Variants in OOSP4B observed in about 807,000 individuals in gnomAD.
The protein encoded by OOSP4B is oocyte secreted protein family member 4B.
At chr11:60,030,985 A>G in exon 5 of OOSP4B, 1 of 394,704 alleles carries the variant, frequency 2.5e-6, no homozygotes, top group Non-Finnish European at 4.5e-6. Flanking sequence ...GGAGTTTTGA[A>G]TAACATATCT....
At chr11:60,024,882 A>G (rs1433595590) in intron 2 of OOSP4B, 26 bp from the exon 3 acceptor site, 2 of 398,174 alleles carry the variant, frequency 5.0e-6, no homozygotes, top group East Asian at 3.6e-5. Flanking sequence ...AATGCCTTCT[A>G]GTATTAAAAC....
At chr11:60,027,164 C>T (rs1590594658) in intron 3 of OOSP4B, among the ~76,000 whole-genome samples, 1 of 152,090 alleles carries the variant, frequency 6.6e-6, no homozygotes, top group Admixed American at 6.6e-5. Flanking sequence ...CATTCCTTTT[C>T]CTCACTGTCA....
chr11:60,019,041 A>G (rs772369209), intron 1 of OOSP4B, among the ~76,000 whole-genome samples: 4 of 152,028 alleles, frequency 2.6e-5, no homozygotes, highest in Non-Finnish European at 5.9e-5. Context: ...ATATGGCGAA[A>G]CCCCGTCTCT....
chr11:60,027,655 T>TAAAAAAAAA (rs61649958), intron 3 of OOSP4B, among the ~76,000 whole-genome samples: 6 of 62,222 alleles, frequency 9.6e-5, no homozygotes, highest in Non-Finnish European at 1.0e-4. Flanking sequence ...GCTATGATAT[T>TAAAAAAAAA]AAAAAAAAAA....
chr11:60,024,775 G>T (rs975352644), intron 2 of OOSP4B, 133 bp from the exon 3 acceptor site: 16 of 393,448 alleles, frequency 4.1e-5, no homozygotes, highest in Non-Finnish European at 6.3e-5. Context: ...TTCTCATGAG[G>T]TCTACTATTT....
chr11:60,018,549 T>C (rs1854649429), intron 1 of OOSP4B, among the ~76,000 whole-genome samples: 2 of 152,234 alleles, frequency 1.3e-5, no homozygotes, highest in Non-Finnish European at 2.9e-5. Flanking sequence ...GCAAAACCAG[T>C]GCCAGACCTG....
At chr11:60,020,877 T>G (rs1232371547) in intron 1 of OOSP4B, among the ~76,000 whole-genome samples, 1 of 152,234 alleles carries the variant, frequency 6.6e-6, no homozygotes, top group Non-Finnish European at 1.5e-5. Context: ...ACCACTGCAC[T>G]CCAGCTTGGA....
At chr11:60,030,676 T>C in intron 4 of OOSP4B, 126 bp from the exon 5 acceptor site, 2 of 395,924 alleles carry the variant, frequency 5.1e-6, no homozygotes, top group Admixed American at 8.8e-5. Flanking sequence ...CATTTTAGGG[T>C]AGAAATGTGA....
chr11:60,020,340 G>A (rs1174859456), intron 1 of OOSP4B, among the ~76,000 whole-genome samples: 2 of 152,188 alleles, frequency 1.3e-5, no homozygotes, highest in African/African-American at 4.8e-5. Context: ...TCCTGCCGCT[G>A]CAGGAGCCCA....
chr11:60,021,635 G>A (rs1854691198), intron 1 of OOSP4B: 1 of 152,140 alleles, frequency 6.6e-6, no homozygotes, highest in Non-Finnish European at 1.5e-5. Flanking sequence ...TTTCTTATCT[G>A]GAAAATGAAG....
At chr11:60,021,029 A>G (rs1372032920) in intron 1 of OOSP4B, among the ~76,000 whole-genome samples, 1 of 152,204 alleles carries the variant, frequency 6.6e-6, no homozygotes, top group Non-Finnish European at 1.5e-5. Flanking sequence ...CTTGCACTGG[A>G]AAGTATTAGT....
intron 3 of OOSP4B, among the ~76,000 whole-genome samples, chr11:60,025,838 C>T (rs1854742227): frequency 6.6e-6 from 1 of 152,118 alleles, no homozygotes; most frequent in Admixed American, 6.6e-5. Flanking sequence ...AATAAGGTGT[C>T]CTTTTTGGCA....
chr11:60,023,499 G>C (rs141097040), intron 1 of OOSP4B, among the ~76,000 whole-genome samples: 1 of 152,062 alleles, frequency 6.6e-6, no homozygotes. Flanking sequence ...CAGTGGCATG[G>C]TCTCGACTCA....
intron 3 of OOSP4B, among the ~76,000 whole-genome samples, chr11:60,025,670 GCTGTTTT>G (rs1854740914): frequency 6.6e-6 from 1 of 152,120 alleles, no homozygotes; most frequent in Non-Finnish European, 1.5e-5. Context: ...GAAGACTTGT[GCTGTTTT>G]CAGTCTCTGG....
exon 3 of OOSP4B, chr11:60,024,966 A>G: frequency 2.5e-6 from 1 of 398,410 alleles, no homozygotes; most frequent in Admixed American, 4.4e-5. Flanking sequence ...CCAAGGTTGC[A>G]TACTACCTAT....
At chr11:60,029,611 G>A (rs1209009915) in intron 3 of OOSP4B, among the ~76,000 whole-genome samples, 171 bp from the exon 4 acceptor site, 1 of 152,092 alleles carries the variant, frequency 6.6e-6, no homozygotes, top group Non-Finnish European at 1.5e-5. Flanking sequence ...TCCTATTCAA[G>A]GTTCTGTTAC....
chr11:60,023,504 G>A (rs902400296), intron 1 of OOSP4B, among the ~76,000 whole-genome samples: 5 of 152,046 alleles, frequency 3.3e-5, no homozygotes, highest in Non-Finnish European at 5.9e-5. Flanking sequence ...GCATGGTCTC[G>A]ACTCACTGCA....
chr11:60,030,580 T>A (rs1854797024), intron 4 of OOSP4B, among the ~76,000 whole-genome samples: 1 of 152,206 alleles, frequency 6.6e-6, no homozygotes, highest in South Asian at 2.1e-4. Flanking sequence ...AAGGCAGTCA[T>A]CTAGCCAACA....
intron 4 of OOSP4B, among the ~76,000 whole-genome samples, chr11:60,030,300 A>C (rs1431465834): frequency 6.6e-6 from 1 of 152,200 alleles, no homozygotes; most frequent in Non-Finnish European, 1.5e-5. Flanking sequence ...TGTATAAAAT[A>C]AGTAGGCAGA....
Sources: gnomAD v4.1 joint callset for allele counts (sites outside exome capture counted in the v4.1 genomes callset) on GRCh38, gnomAD v4.1.1 for gene constraint, MANE v1.5 for transcripts, NCBI Gene and HGNC (gene_info 2026-07-23, HGNC 2026-07-21) for gene names.